The following AKIRIN2 variants were observed in gnomAD, a reference collection of about 807,000 sequenced individuals.
AKIRIN2 encodes the protein akirin-2.
In AKIRIN2, 6 loss-of-function variants were observed where a neutral mutation model predicts 29.3. The ratio of observed to expected loss-of-function variants is 0.20; its 90% CI spans 0.11 to 0.40. AKIRIN2 has a LOEUF of 0.40. AKIRIN2 is among the 10% of genes least tolerant of loss of function. The pLI is 1.00. For synonymous variants in AKIRIN2, 128 were observed against 117.5 expected, an observed-to-expected ratio of 1.09 and a Z score of -0.58; for missense variants, 210 against 276.1, an observed-to-expected ratio of 0.76 and a Z score of 1.70.
chr6:87,683,313 G>A (rs139713752), intron 1 of AKIRIN2, among the ~76,000 whole-genome samples: 58 of 152,280 alleles, frequency 3.8e-4, no homozygotes, highest in African/African-American at 1.3e-3. Context: ...TGGTTATGTC[G>A]GGGTGCTTTA....
chr6:87,689,686 T>TA (rs1209106087), intron 1 of AKIRIN2, among the ~76,000 whole-genome samples: 1 of 152,224 alleles, frequency 6.6e-6, no homozygotes, highest in Non-Finnish European at 1.5e-5. Context: ...AAGTGACTGT[T>TA]ACCTTTTGGG....
At chr6:87,693,867 T>A (rs1582124673) in intron 1 of AKIRIN2, among the ~76,000 whole-genome samples, 1 of 152,062 alleles carries the variant, frequency 6.6e-6, no homozygotes, top group East Asian at 1.9e-4. Context: ...GAACATCAAG[T>A]CCCCCTCTCT....
intron 2 of AKIRIN2, among the ~76,000 whole-genome samples, chr6:87,680,800 GTTAT>G (rs1158759411): frequency 4.9e-5 from 6 of 122,854 alleles, no homozygotes; most frequent in South Asian, 2.5e-4. Flanking sequence ...AAAAAGGAAG[GTTAT>G]TTGCAAACAT....
intron 1 of AKIRIN2, among the ~76,000 whole-genome samples, chr6:87,699,828 G>A (rs1310598115): frequency 1.3e-5 from 2 of 152,170 alleles, no homozygotes; most frequent in Non-Finnish European, 2.9e-5. Flanking sequence ...TTGAGATATA[G>A]TACTTTAATT....
Position 87,675,277 on chromosome 6 carries a change from A to T in AKIRIN2, c.*320T>A. Reference sequence around the variant, plus strand: ...GAAGTGTCATTCTACAGTTTTATTTACACAACCAGTGAAGGGCATGTTCTA... The same window carrying T: ...GAAGTGTCATTCTACAGTTTTATTTTCACAACCAGTGAAGGGCATGTTCTA... On this transcript the variant is annotated 3_prime_UTR_variant, in exon 5 of 5. Transcript: ENST00000257787. 1 of 365,542 alleles carries T rather than the reference A, an allele frequency of 2.7e-6. No homozygotes were observed. Among genetic ancestry groups the T allele is most frequent in the East Asian group, 4.5e-5 (1 of 22,042 alleles). The allele number at this position is 365,542 out of a possible 1,614,324, so 22.6% of individuals were successfully genotyped here.
intron 1 of AKIRIN2, among the ~76,000 whole-genome samples, chr6:87,692,772 T>C (rs1280918710): frequency 6.6e-6 from 1 of 152,182 alleles, no homozygotes; most frequent in Non-Finnish European, 1.5e-5. Context: ...ATCGTGCCAC[T>C]GCACTCCAGC....
intron 1 of AKIRIN2, among the ~76,000 whole-genome samples, chr6:87,699,921 G>A (rs1771430204): frequency 6.6e-6 from 1 of 152,086 alleles, no homozygotes; most frequent in South Asian, 2.1e-4. Flanking sequence ...TTTTGAAATG[G>A]CTTTATTAGT....
At chr6:87,688,757 A>T (rs942794214) in intron 1 of AKIRIN2, among the ~76,000 whole-genome samples, 1 of 151,788 alleles carries the variant, frequency 6.6e-6, no homozygotes, top group Non-Finnish European at 1.5e-5. Context: ...CCGTCTCAAT[A>T]AAAAAAACAC....
At position 87,701,667 on chromosome 6, in the gene AKIRIN2, A is replaced by T. The variant is rs1236804059; in HGVS notation, c.18T>A (p.Thr6=). The change falls in exon 1 of 5, where the codon ACT becomes ACA. Residue 6 remains threonine (T), a synonymous_variant. Transcript: ENST00000257787. MACGA[T]LKRTLDFDPL... ...GGTCGAAATCCAGAGTCCTTTTCAG[A>T]GTGGCTCCGCACGCCATGGCCGGGG... is the stretch of plus-strand genomic sequence containing the variant. 4 of 1,459,814 alleles carry T rather than the reference A, an allele frequency of 2.7e-6. No individual in the cohort carries two copies. The South Asian group carries it at 5.8e-5, about 21-fold the overall frequency. 90.4% of individuals were successfully genotyped at this position (1,459,814 alleles called of 1,614,324 possible).
At chr6:87,682,854 G>GT (rs1771139578) in intron 1 of AKIRIN2, among the ~76,000 whole-genome samples, 1 of 152,134 alleles carries the variant, frequency 6.6e-6, no homozygotes, top group Admixed American at 6.6e-5. Context: ...ACTTTGGGAG[G>GT]TCAAGGTGGG....
chr6:87,688,580 T>A (rs975192939), intron 1 of AKIRIN2, among the ~76,000 whole-genome samples: 1 of 151,986 alleles, frequency 6.6e-6, no homozygotes, highest in Non-Finnish European at 1.5e-5. Context: ...ACCCCATCTC[T>A]ACTAAAAATA....
intron 1 of AKIRIN2, 140 bp downstream of exon 1, chr6:87,701,310 A>G: frequency 1.3e-6 from 1 of 793,538 alleles, no homozygotes; most frequent in Non-Finnish European, 1.9e-6. Flanking sequence ...ACCTAGTGAA[A>G]AACGTGGCTG....
intron 1 of AKIRIN2, among the ~76,000 whole-genome samples, chr6:87,697,836 T>C (rs978551927): frequency 6.6e-6 from 1 of 152,220 alleles, no homozygotes; most frequent in Non-Finnish European, 1.5e-5. Context: ...TAAGGCAGAT[T>C]AATGGTACCA....
At chr6:87,692,820 T>C (rs1447775365) in intron 1 of AKIRIN2, among the ~76,000 whole-genome samples, 1 of 151,060 alleles carries the variant, frequency 6.6e-6, no homozygotes, top group East Asian at 2.0e-4. Context: ...CAAAAATAAA[T>C]AAATATCACA....
At chr6:87,679,480 G>A (rs969351736) in intron 2 of AKIRIN2, among the ~76,000 whole-genome samples, 4 of 152,094 alleles carry the variant, frequency 2.6e-5, no homozygotes, top group East Asian at 1.9e-4. Flanking sequence ...CCTGGGCAAC[G>A]GAGTGAGACC....
At chr6:87,696,760 C>A (rs1343320148) in intron 1 of AKIRIN2, among the ~76,000 whole-genome samples, 1 of 150,020 alleles carries the variant, frequency 6.7e-6, no homozygotes, top group Non-Finnish European at 1.5e-5. Context: ...GTAATCCCAG[C>A]ACTTTGGGAG....
chr6:87,683,393 CATTT>C (rs1771145453), intron 1 of AKIRIN2, among the ~76,000 whole-genome samples: 1 of 152,064 alleles, frequency 6.6e-6, no homozygotes, highest in Non-Finnish European at 1.5e-5. Flanking sequence ...AGTTCTTTTC[CATTT>C]ATTTGAACTA....
At chr6:87,692,424 T>C (rs919517126) in intron 1 of AKIRIN2, among the ~76,000 whole-genome samples, 2 of 152,244 alleles carry the variant, frequency 1.3e-5, no homozygotes, top group African/African-American at 4.8e-5. Flanking sequence ...AGAGCCAGGT[T>C]TGACCTCAGG....
intron 1 of AKIRIN2, among the ~76,000 whole-genome samples, chr6:87,690,572 T>C (rs1220917387): frequency 6.6e-6 from 1 of 152,222 alleles, no homozygotes; most frequent in African/African-American, 2.4e-5. Flanking sequence ...ATTTCATCTC[T>C]CCTTATACAC....
Sources: allele counts gnomAD v4.1 joint callset (sites outside exome capture counted in the v4.1 genomes callset), GRCh38; gene constraint gnomAD v4.1.1; transcripts MANE v1.5; gene names NCBI Gene and HGNC (gene_info 2026-07-23, HGNC 2026-07-21).